TEP1: variants seen among roughly 807,000 people sequenced by gnomAD.
TEP1 encodes the protein telomerase protein component 1.
A neutral mutation model predicts 306.3 loss-of-function variants in TEP1; 241 were observed. The ratio of observed to expected loss-of-function variants is 0.79; its 90% CI spans 0.71 to 0.88. TEP1 has a LOEUF of 0.88. Ranked by LOEUF, TEP1 falls within the 40% of genes least tolerant of loss-of-function variation. The probability of loss-of-function intolerance (pLI) is 0.00; values close to 1 mark genes in which losing one functional copy is unlikely to be tolerated. For synonymous variants in TEP1, 1,289 were observed against 1,305.5 expected (o/e 0.99, Z 0.27); for missense variants, 3,051 against 3,276.1 (o/e 0.93, Z 1.68).
In TEP1 at chr14:20,391,027, G is replaced by A; in HGVS notation, c.2167C>T (p.Leu723=). Residue 723 remains leucine, a synonymous_variant, in exon 14 of 55, where the codon CTG becomes TTG. Coordinates refer to ENST00000262715, the MANE Select transcript of TEP1 (RefSeq NM_007110.5). ...GTCTTCAGAGTGTCACCTCCACACA[G>A]CACGACGTCCACCTGCTCCGCCCTC... ...ITRAEQVDVV[L]CGGDTLKTAV... 3.1e-6 allele frequency: 5 copies of A among 1,614,132 alleles called. No homozygotes were observed. The highest frequency in any genetic ancestry group is 4.2e-6 in the Non-Finnish European group (5 of 1,180,032).
Position 20,381,205 on chromosome 14 carries a change from G to A in TEP1, c.4647+108C>T. The A allele has an allele frequency of 7.8e-7, 1 of 1,282,290 alleles. No individual in the cohort carries two copies. Among genetic ancestry groups the A allele is most frequent in the East Asian group, 2.3e-5 (1 of 43,156 alleles). The allele number at this position is 1,282,290 out of a possible 1,614,324, so 79.4% of individuals were successfully genotyped here. ...AAAGGAAAGAGGTCAAGGGAGTTTG[G>A]GAGGGGTAATGGCGGCGGTGATGGT... On this transcript the variant is annotated intron_variant, in intron 32 of 54. Coordinates refer to ENST00000262715, the MANE Select transcript of TEP1 (RefSeq NM_007110.5). The surrounding 1 kb of genome is among the most constrained non-coding windows in gnomAD (Gnocchi z 4.0).
chr14:20,387,906 C>A lies in TEP1; in HGVS notation c.2683G>T (p.Gly895Ter). The A allele has an allele frequency of 6.2e-7, 1 of 1,603,302 alleles. No individual in the cohort carries two copies. The highest frequency in any genetic ancestry group is 8.5e-7 in the Non-Finnish European group (1 of 1,176,568). The change falls in exon 18 of 55, where the codon GGA becomes TGA. Residue 895 changes from glycine to a stop codon, truncating the protein, a stop_gained and splice_region_variant. Transcript: ENST00000262715. LOFTEE classifies it high-confidence loss of function. ...AAAGGCATAGAAACACAGACTGACC[C>A]TTGCTGGGAAACAGGAGCCAAGGGG... ...PSPLAPVSQQ[G>*]WRSIRLFISS... is the part of the protein sequence containing the mutation.
chr14:20,391,916 T>C, intron 12 of TEP1, 149 bp from the exon 13 acceptor site: 1 of 761,716 alleles, frequency 1.3e-6, no homozygotes, highest in Non-Finnish European at 2.1e-6. Context: ...CCATTTCTGG[T>C]GTAGAGGACT....
chr14:20,383,344 G>A lies in TEP1; in HGVS notation c.3877C>T (p.Leu1293=). 5 of 1,605,686 alleles carry A rather than the reference G, an allele frequency of 3.1e-6. No individual in the cohort carries two copies. The highest frequency in any genetic ancestry group is 4.3e-6 in the Non-Finnish European group (5 of 1,175,474). The part of the protein sequence containing the change: ...IPKKLPRCVH[L]VLSVSSDAGL... ...GCATCACTAGACACACTCAGCACCA[G>A]GTGTACACACTGTGATATTTGGGCA... The change falls in exon 27 of 55, where the codon CTG becomes TTG. Residue 1293 remains leucine (L), a synonymous_variant. Coordinates refer to ENST00000262715, the MANE Select transcript of TEP1 (RefSeq NM_007110.5).
chr14:20,381,734 G>T lies in TEP1; in HGVS notation c.4425-48C>A. ...GAGAGAAGAAGGAAGAGGCCTGTCA[G>T]TGAGCTTCCTGGCACACAGTGGGCT... On this transcript the variant is annotated intron_variant, in intron 30 of 54. Transcript: ENST00000262715. This position sits in a 1 kb window ranked among gnomAD's most constrained non-coding sequence, Gnocchi z 4.0. 2 of 1,548,778 alleles carry T rather than the reference G, an allele frequency of 1.3e-6. No homozygotes were observed. Among genetic ancestry groups the T allele is most frequent in the Non-Finnish European group, 1.7e-6 (2 of 1,150,656 alleles).
rs375820658 is a variant in TEP1, at chr14:20,404,653, G to A, written c.990C>T (p.Val330=). The A allele has an allele frequency of 2.4e-5, 39 of 1,614,022 alleles. No homozygotes were observed. Among genetic ancestry groups the A allele is most frequent in the Non-Finnish European group, 3.1e-5 (36 of 1,180,010 alleles). ...PHLRRYFCAI[V]QLPSDWIQVA... is the part of the protein sequence containing the mutation. The stretch of plus-strand genomic sequence containing the variant: ...CCTGGATCCAGTCAGAAGGCAGCTG[G>A]ACAATGGCACAGAAATATCGTCGCA... The change falls in exon 5 of 55, where the codon GTC becomes GTT. Residue 330 remains valine, a synonymous_variant. Coordinates refer to ENST00000262715, the MANE Select transcript of TEP1 (RefSeq NM_007110.5).
At chr14:20,389,496 G>A in intron 16 of TEP1, 114 bp downstream of exon 16, 2 of 1,529,176 alleles carry the variant, frequency 1.3e-6, no homozygotes, top group Non-Finnish European at 1.8e-6. Flanking sequence ...GAGGTAAGAA[G>A]GCAGAGTTGG....
At chr14:20,369,635 C>T (rs1480089847) in intron 52 of TEP1, 39 bp downstream of exon 52, 3 of 1,612,314 alleles carry the variant, frequency 1.9e-6, no homozygotes, top group Admixed American at 3.3e-5. Flanking sequence ...CCACCCTGGG[C>T]CATCTCCCGG....
In TEP1 at chr14:20,378,030, A is replaced by G; in HGVS notation, c.5715T>C (p.Asp1905=). Residue 1905 remains aspartate (D), a synonymous_variant, in exon 39 of 55, where the codon GAT becomes GAC. Transcript: ENST00000262715. ...AGCQLLTAGE[D]GKVQVWSGSL... The stretch of plus-strand genomic sequence containing the variant: ...CAGCCCTCTGCAAGCTGACCTTGCC[A>G]TCCTCTCCAGCCGTCAGTAACTGGC... The G allele has an allele frequency of 4.3e-6, 7 of 1,612,450 alleles. No individual in the cohort carries two copies. Among genetic ancestry groups the G allele is most frequent in the South Asian group, 1.1e-5 (1 of 91,050 alleles).
chr14:20,379,609 T>A (rs1413532746), intron 35 of TEP1, among the ~76,000 whole-genome samples: 2 of 152,240 alleles, frequency 1.3e-5, no homozygotes, highest in African/African-American at 4.8e-5. Flanking sequence ...CATGTCTTAA[T>A]TAGATTACAT....
Position 20,371,301 on chromosome 14 carries a change from C to G in TEP1, c.7234G>C (p.Glu2412Gln), listed in dbSNP as rs1884823443. 1 of 1,614,004 alleles carries G rather than the reference C, an allele frequency of 6.2e-7. No individual in the cohort carries two copies. ...APSEIWSSYTENPMILSTHKE... is the reference protein window; with the variant it reads ...APSEIWSSYTQNPMILSTHKE... ...TGGGTGGACAATATCATAGGATTTT[C>G]TGTATAGCTGCTCCTGGTTTGTGAG... The change falls in exon 51 of 55, where the codon GAA (glutamate) becomes CAA (glutamine). Residue 2412 changes from glutamate to glutamine, a missense_variant. Physicochemically the swap from Glu to Gln is conservative, Grantham distance 29. Around this residue, in one of 3 missense-constraint regions of TEP1, gnomAD observed 1,540 missense variants for 1,705.9 expected, o/e 0.90. Transcript: ENST00000262715.
At chr14:20,400,818 C>A in intron 9 of TEP1, 166 bp downstream of exon 9, 1 of 778,518 alleles carries the variant, frequency 1.3e-6, no homozygotes, top group South Asian at 2.0e-5. Flanking sequence ...AAGCAGGTAC[C>A]ACTGTTTACT....
chr14:20,369,020 T>C, intron 53 of TEP1, 118 bp from the exon 54 acceptor site: 4 of 770,840 alleles, frequency 5.2e-6, no homozygotes, highest in Non-Finnish European at 8.3e-6. Context: ...CTTTTTTTTT[T>C]TTTTGAGACA....
chr14:20,409,105 A>G (rs1309102781), intron 1 of TEP1, among the ~76,000 whole-genome samples: 6 of 152,204 alleles, frequency 3.9e-5, no homozygotes, highest in Non-Finnish European at 7.3e-5. Context: ...CCACCAGTCC[A>G]CAAGTCCTCT....
At chr14:20,404,918 G>A (rs1879054169) in intron 4 of TEP1, 146 bp from the exon 5 acceptor site, 7 of 900,188 alleles carry the variant, frequency 7.8e-6, no homozygotes, top group Non-Finnish European at 1.1e-5. Flanking sequence ...CAGGCCACCT[G>A]ACTTGGCATT....
intron 4 of TEP1, 35 bp from the exon 5 acceptor site, chr14:20,404,807 C>T (rs4987229): frequency 6.4e-7 from 1 of 1,569,378 alleles, no homozygotes; most frequent in Non-Finnish European, 8.7e-7. Flanking sequence ...GAATCTCAGT[C>T]ACTCCTCCCG....
At chr14:20,383,957 C>G in intron 24 of TEP1, 39 bp from the exon 25 acceptor site, 1 of 1,589,768 alleles carries the variant, frequency 6.3e-7, no homozygotes, top group Non-Finnish European at 8.5e-7. Context: ...TCACATTTTA[C>G]ATGCCTGAGC....
Position 20,390,440 on chromosome 14 carries a change from C to T in TEP1, c.2334+241G>A, listed in dbSNP as rs377507051. ...CATGTCGATAGCTTGAAATCAGCCA[C>T]GGTAGGACTGTTTACACCATGGAAA... On this transcript the variant is annotated intron_variant, in intron 15 of 54. Transcript: ENST00000262715. Among the ~76,000 whole-genome samples the T allele has an allele frequency of 1.6e-4, 25 of 152,266 alleles. No individual in the cohort carries two copies. The South Asian group carries it at 5.2e-3, about 32-fold the overall frequency.
chr14:20,385,153 T>A (rs1232659333), intron 20 of TEP1, 44 bp from the exon 21 acceptor site: 16 of 1,607,898 alleles, frequency 1.0e-5, no homozygotes, highest in Non-Finnish European at 1.3e-5. Flanking sequence ...TAGGCCACAA[T>A]GACCCTCCCT....
Sources: allele counts gnomAD v4.1 joint callset (sites outside exome capture counted in the v4.1 genomes callset), GRCh38; gene constraint gnomAD v4.1.1; regional missense constraint gnomAD v4.1.1; non-coding constraint Gnocchi (gnomAD v3.1); transcripts MANE v1.5; gene names NCBI Gene and HGNC (gene_info 2026-07-23, HGNC 2026-07-21).